The following METTL2A variants were observed in gnomAD, a reference collection of about 807,000 sequenced individuals.
The protein encoded by METTL2A is methyltransferase 2A, tRNA N3-cytidine, also known as tRNA N(3)-cytidine methyltransferase METTL2A.
In METTL2A, 45 loss-of-function variants were observed where a neutral mutation model predicts 49.4. The ratio of observed to expected loss-of-function variants is 0.91; its 90% CI spans 0.72 to 1.17. The LOEUF (loss-of-function observed/expected upper bound fraction) is 1.17, where lower values mean the gene tolerates loss of function less well. METTL2A is among the 50% of genes most tolerant of loss of function. The pLI, the probability that METTL2A is intolerant of heterozygous loss-of-function variation, is 0.00. For synonymous variants in METTL2A, 118 were observed against 167.5 expected (o/e 0.70, Z 2.28); for missense variants, 361 against 462.2 (o/e 0.78, Z 2.01).
At chr17:62,424,528 T>C (rs1237745653) in intron 2 of METTL2A, among the ~76,000 whole-genome samples, 3 of 152,176 alleles carry the variant, frequency 2.0e-5, no homozygotes, top group Non-Finnish European at 4.4e-5. Flanking sequence ...TATATAGTTT[T>C]ACTTTGGAGG....
chr17:62,424,078 G>GA, intron 1 of METTL2A, 66 bp downstream of exon 1: 1 of 1,590,810 alleles, frequency 6.3e-7, no homozygotes, highest in Non-Finnish European at 8.6e-7. Flanking sequence ...GGAGCACTCC[G>GA]AAAAGCCCCT....
At position 62,449,412 on chromosome 17, in the gene METTL2A, C is replaced by T. The variant is rs372816380; in HGVS notation, c.*683C>T. 1.1e-5 allele frequency: 5 copies of T among 452,448 alleles called. No individual in the cohort carries two copies. Among genetic ancestry groups the T allele is most frequent in the African/African-American group, 4.0e-5 (2 of 49,770 alleles). 28.0% of individuals were successfully genotyped at this position (452,448 alleles called of 1,614,324 possible). On this transcript the variant is annotated 3_prime_UTR_variant, in exon 9 of 9. Transcript: ENST00000311506. ...TTGTTAAGTAATTGATCGTGGTCTT[C>T]GCTTTAATCTTAGTTCCGCCAGGCA...
chr17:62,436,212 CA>C (rs2070699289), intron 5 of METTL2A, among the ~76,000 whole-genome samples: 1 of 152,104 alleles, frequency 6.6e-6, no homozygotes, highest in Non-Finnish European at 1.5e-5. Context: ...CACTGCACTC[CA>C]GCTAGACAAC....
intron 8 of METTL2A, among the ~76,000 whole-genome samples, chr17:62,448,138 G>T (rs1466349873): frequency 1.3e-5 from 2 of 152,168 alleles, no homozygotes; most frequent in Non-Finnish European, 2.9e-5. Flanking sequence ...TAGGGGTGCT[G>T]GGAACTGCTC....
Position 62,449,492 on chromosome 17 carries a change from G to C in METTL2A, c.*763G>C, listed in dbSNP as rs184887428. 4 of 421,436 alleles carry C rather than the reference G, an allele frequency of 9.5e-6. No individual in the cohort carries two copies. Among genetic ancestry groups the C allele is most frequent in the African/African-American group, 2.1e-5 (1 of 47,780 alleles). The allele number at this position is 421,436 out of a possible 1,614,324, so 26.1% of individuals were successfully genotyped here. On this transcript the variant is annotated 3_prime_UTR_variant, in exon 9 of 9. Coordinates refer to ENST00000311506, the MANE Select transcript of METTL2A (RefSeq NM_181725.4). ...TTGGGAGGCCAAGGCGGGCGGATCA[G>C]CTGAGGTCAGGAGTTGGAGACCAGC...
intron 4 of METTL2A, among the ~76,000 whole-genome samples, chr17:62,429,523 T>C (rs1467179877): frequency 1.3e-5 from 2 of 152,118 alleles, no homozygotes; most frequent in African/African-American, 2.4e-5. Context: ...ACTCCTGACC[T>C]CAGGTGATCC....
intron 4 of METTL2A, among the ~76,000 whole-genome samples, chr17:62,430,671 C>A (rs141946767): frequency 9.2e-5 from 14 of 152,252 alleles, no homozygotes; most frequent in African/African-American, 2.9e-4. Flanking sequence ...TTGTTATCGT[C>A]CAGCTGCCTC....
rs2070801892 is a variant in METTL2A, at chr17:62,450,863, C to A, written c.*2134C>A. The A allele has an allele frequency of 6.6e-6, 1 of 152,102 alleles. No individual in the cohort carries two copies. Among genetic ancestry groups the A allele is most frequent in the Non-Finnish European group, 1.5e-5 (1 of 68,018 alleles). 9.4% of individuals were successfully genotyped at this position (152,102 alleles called of 1,614,324 possible). ...TAGCTTTCACCTTGTTGATGTTTTT[C>A]TAAATTTTGGAATAATAAATTTATA... is the stretch of plus-strand genomic sequence containing the variant. On this transcript the variant is annotated 3_prime_UTR_variant, in exon 9 of 9. Coordinates refer to ENST00000311506, the MANE Select transcript of METTL2A (RefSeq NM_181725.4).
intron 5 of METTL2A, among the ~76,000 whole-genome samples, chr17:62,436,001 C>T (rs1367985755): frequency 6.6e-6 from 1 of 151,724 alleles, no homozygotes; most frequent in African/African-American, 2.4e-5. Context: ...TTTGGGAGGC[C>T]GGGGTGGGCA....
chr17:62,441,953 G>A (rs1190373562), intron 6 of METTL2A, among the ~76,000 whole-genome samples: 2 of 151,392 alleles, frequency 1.3e-5, no homozygotes, highest in African/African-American at 4.9e-5. Context: ...TCACCATGTT[G>A]GCCAGGCTGG....
Sources: allele counts gnomAD v4.1 joint callset (sites outside exome capture counted in the v4.1 genomes callset), GRCh38; gene constraint gnomAD v4.1.1; transcripts MANE v1.5; gene names NCBI Gene and HGNC (gene_info 2026-07-23, HGNC 2026-07-21).